The following CSMD1 variants were observed in gnomAD, a reference collection of about 807,000 sequenced individuals.
The protein encoded by CSMD1 is CUB and sushi domain-containing protein 1.
A neutral mutation model predicts 417.5 loss-of-function variants in CSMD1; 213 were observed. The ratio of observed to expected loss-of-function variants is 0.51; its 90% CI spans 0.46 to 0.57. CSMD1 has a LOEUF of 0.57. Among genes scored for constraint, CSMD1 ranks in the 20% least tolerant of loss-of-function variants. The pLI is 0.00. For missense variants in CSMD1, 6,923 were observed against 4,529.7 expected (o/e 1.53, Z -15.17); for synonymous variants, 2,862 against 1,736.8 (o/e 1.65, Z -16.11).
chr8:3,470,855 G>T (rs1291520445), intron 11 of CSMD1, among the ~76,000 whole-genome samples: 1 of 152,106 alleles, frequency 6.6e-6, no homozygotes, highest in Non-Finnish European at 1.5e-5. Context: ...CCAATAGTTT[G>T]TTCCCTTTTA....
intron 1 of CSMD1, among the ~76,000 whole-genome samples, chr8:4,808,929 G>C (rs1419013413): frequency 1.3e-5 from 2 of 152,222 alleles, no homozygotes; most frequent in Non-Finnish European, 2.9e-5. Flanking sequence ...TTTGGGGTCA[G>C]AGATAGAAAT....
intron 1 of CSMD1, among the ~76,000 whole-genome samples, chr8:4,867,127 T>A (rs1404199180): frequency 6.6e-6 from 1 of 152,096 alleles, no homozygotes; most frequent in African/African-American, 2.4e-5. Flanking sequence ...CTTCATGAAC[T>A]ACACACATAT....
At chr8:4,974,886 CA>C (rs201860309) in intron 1 of CSMD1, among the ~76,000 whole-genome samples, 3 of 151,986 alleles carry the variant, frequency 2.0e-5, no homozygotes, top group African/African-American at 7.2e-5. Flanking sequence ...AACTTTCACA[CA>C]AAAAAACTAT....
intron 6 of CSMD1, among the ~76,000 whole-genome samples, chr8:3,709,954 C>A (rs887295901): frequency 6.6e-6 from 1 of 151,486 alleles, no homozygotes; most frequent in African/African-American, 2.4e-5. Context: ...CACTGACCAA[C>A]CCCCAACCCC....
intron 49 of CSMD1, among the ~76,000 whole-genome samples, chr8:3,057,030 A>G (rs1052001107): frequency 6.6e-6 from 1 of 152,152 alleles, no homozygotes; most frequent in Non-Finnish European, 1.5e-5. Context: ...GAAAAATATT[A>G]GAGACAGATA....
chr8:3,918,602 T>C (rs895265654), intron 5 of CSMD1, among the ~76,000 whole-genome samples: 122 of 152,246 alleles, frequency 8.0e-4, no homozygotes, highest in Middle Eastern at 3.4e-3. Flanking sequence ...ATTGAATACG[T>C]GGTTTGCAAT....
intron 12 of CSMD1, among the ~76,000 whole-genome samples, chr8:3,462,994 C>A (rs747861613): frequency 6.6e-6 from 1 of 152,184 alleles, no homozygotes; most frequent in South Asian, 2.1e-4. Context: ...CTGTCCACCA[C>A]GTGAGGACAC....
intron 50 of CSMD1, among the ~76,000 whole-genome samples, chr8:3,044,987 T>G (rs1368167767): frequency 6.6e-6 from 1 of 152,194 alleles, no homozygotes; most frequent in African/African-American, 2.4e-5. Context: ...CTCTGCCAGA[T>G]TTTTTCCATT....
At chr8:3,687,991 G>C (rs187697321) in intron 7 of CSMD1, among the ~76,000 whole-genome samples, 1 of 152,102 alleles carries the variant, frequency 6.6e-6, no homozygotes, top group Non-Finnish European at 1.5e-5. Context: ...GAATTTTAAG[G>C]CTTCTCTCTT....
chr8:4,869,197 C>T lies in CSMD1; in HGVS notation c.85+125135G>A, dbSNP rs915514897. 1.8e-4 allele frequency among the ~76,000 whole-genome samples: 27 copies of T among 151,798 alleles called. 1 individual carries two copies. Among genetic ancestry groups the T allele is most frequent in the African/African-American group, 6.1e-4 (25 of 41,256 alleles). ...TGGCAATAATAATTTTGTACACCTGCTATAATTTAGAACTGTATTTTCCCA... is the reference window on the plus strand; with the variant it reads ...TGGCAATAATAATTTTGTACACCTGTTATAATTTAGAACTGTATTTTCCCA... On this transcript the variant is annotated intron_variant, in intron 1 of 69. Coordinates refer to ENST00000635120, the MANE Select transcript of CSMD1 (RefSeq NM_033225.6).
rs1047612132 is a variant in CSMD1 at position 4,186,674 on chromosome 8, T to G, written c.416-154575A>C. On this transcript the variant is annotated intron_variant, in intron 3 of 69. Coordinates refer to ENST00000635120, the MANE Select transcript of CSMD1 (RefSeq NM_033225.6). Reference sequence around the variant, plus strand: ...CTCTATTTCCCCAAAATCAGTATATTTGTTTTCTATTAAGACTAAATATTT... The same window carrying G: ...CTCTATTTCCCCAAAATCAGTATATGTGTTTTCTATTAAGACTAAATATTT... Among the ~76,000 whole-genome samples the G allele has an allele frequency of 6.6e-5, 10 of 152,132 alleles. No homozygotes were observed. The East Asian group carries it at 1.7e-3, about 26-fold the overall frequency.
intron 5 of CSMD1, among the ~76,000 whole-genome samples, chr8:3,994,707 A>T (rs1815066509): frequency 6.6e-6 from 1 of 152,160 alleles, no homozygotes; most frequent in African/African-American, 2.4e-5. Flanking sequence ...ATATAAAGAT[A>T]ATTTTGGCAC....
intron 3 of CSMD1, among the ~76,000 whole-genome samples, chr8:4,314,700 A>G (rs1290674698): frequency 1.3e-5 from 2 of 152,142 alleles, no homozygotes; most frequent in African/African-American, 4.8e-5. Flanking sequence ...TCAAGTTTTT[A>G]TGTGTTCTTA....
intron 54 of CSMD1, among the ~76,000 whole-genome samples, chr8:2,996,775 C>A (rs930589284): frequency 6.6e-6 from 1 of 152,212 alleles, no homozygotes; most frequent in Non-Finnish European, 1.5e-5. Context: ...ATCATTTCAA[C>A]CCTAATTCTG....
At chr8:4,620,342 A>C (rs1385565065) in intron 2 of CSMD1, among the ~76,000 whole-genome samples, 1 of 151,644 alleles carries the variant, frequency 6.6e-6, no homozygotes, top group Non-Finnish European at 1.5e-5. Context: ...TATACACATA[A>C]AAGCTACTAA....
Position 3,998,019 on chromosome 8 carries a change from G to A in CSMD1, c.702C>T (p.Cys234=), listed in dbSNP as rs1815354535. 2.5e-6 allele frequency: 4 copies of A among 1,607,686 alleles called. No individual in the cohort carries two copies. Among genetic ancestry groups the A allele is most frequent in the East Asian group, 2.2e-5 (1 of 44,662 alleles). The change falls in exon 5 of 70, where the codon TGC becomes TGT. Residue 234 remains cysteine (C), a synonymous_variant. Transcript: ENST00000635120. ...FPSEYENNAD[C]TWTILAEPGD... is the part of the protein sequence containing the mutation. ...CGGGCTCAGCCAGAATGGTCCAGGT[G>A]CAGTCCGCGTTGTTCTCGTACTCTG...
chr8:3,570,906 G>A (rs1013417089), intron 10 of CSMD1, among the ~76,000 whole-genome samples: 1 of 152,168 alleles, frequency 6.6e-6, no homozygotes, highest in Non-Finnish European at 1.5e-5. Flanking sequence ...TTTTTAGATA[G>A]AATTTCAATT....
intron 2 of CSMD1, among the ~76,000 whole-genome samples, chr8:4,506,140 G>A (rs565611723): frequency 1.3e-5 from 2 of 152,134 alleles, no homozygotes; most frequent in Admixed American, 6.5e-5. Flanking sequence ...AGTTACTGCT[G>A]TATTAGATTG....
chr8:3,618,430 T>C (rs948753480), intron 7 of CSMD1, among the ~76,000 whole-genome samples: 2 of 152,190 alleles, frequency 1.3e-5, no homozygotes, highest in African/African-American at 4.8e-5. Flanking sequence ...CCAAACGGGT[T>C]AAGATATTTT....
Sources: gnomAD v4.1 joint callset for allele counts (sites outside exome capture counted in the v4.1 genomes callset) on GRCh38, gnomAD v4.1.1 for gene constraint, MANE v1.5 for transcripts, NCBI Gene and HGNC (gene_info 2026-07-23, HGNC 2026-07-21) for gene names.